CHAF1A: variants seen among roughly 807,000 people sequenced by gnomAD.
The protein encoded by CHAF1A is CAF-1 subunit A.
Under a neutral mutation model 93.2 loss-of-function variants are expected in CHAF1A, and 5 were observed. The observed-to-expected ratio is 0.05, with a 90% confidence interval of 0.03 to 0.11. CHAF1A has a LOEUF of 0.11. Ranked by LOEUF, CHAF1A falls within the 10% of genes least tolerant of loss-of-function variation. The pLI, the probability that CHAF1A is intolerant of heterozygous loss-of-function variation, is 1.00. For synonymous variants in CHAF1A, 504 were observed against 510.3 expected (o/e 0.99, Z 0.17); for missense variants, 1,102 against 1,259.9 (o/e 0.87, Z 1.90).
chr19:4,432,782 ACT>A (rs1974210348), intron 12 of CHAF1A, among the ~76,000 whole-genome samples: 1 of 151,644 alleles, frequency 6.6e-6, no homozygotes, highest in African/African-American at 2.4e-5. Flanking sequence ...AACTCAAAAA[ACT>A]GGGGAGGGAC....
At chr19:4,412,690 T>C (rs1354465992) in intron 3 of CHAF1A, among the ~76,000 whole-genome samples, 1 of 152,220 alleles carries the variant, frequency 6.6e-6, no homozygotes, top group Non-Finnish European at 1.5e-5. Flanking sequence ...ACTGAGCACA[T>C]GAACCCAGTG....
chr19:4,433,183 C>T lies in CHAF1A; in HGVS notation c.2317C>T (p.Pro773Ser). The change falls in exon 13 of 15, where the codon CCG becomes TCG. Residue 773 changes from proline to serine, a missense_variant. By Grantham distance (74) the Pro-to-Ser change is moderately conservative. This residue lies in a region of CHAF1A where 335 missense variants were observed against 361.9 expected (regional missense o/e 0.93). Coordinates refer to ENST00000301280, the MANE Select transcript of CHAF1A (RefSeq NM_005483.3). The surrounding 1 kb of genome is among the most constrained non-coding windows in gnomAD (Gnocchi z 5.6). ...ACTGCTCAGCAACCACACCGGCAGC[C>T]CGCGGAGCCCCTCCACCACCTACCT... ...RGLLSNHTGS[P>S]RSPSTTYLHT... 1 of 1,613,712 alleles carries T rather than the reference C, an allele frequency of 6.2e-7. No homozygotes were observed. Among genetic ancestry groups the T allele is most frequent in the South Asian group, 1.1e-5 (1 of 91,082 alleles).
Position 4,432,180 on chromosome 19 carries a change from T to A in CHAF1A, c.2176T>A (p.Ser726Thr). 6.2e-7 allele frequency: 1 copy of A among 1,610,516 alleles called. No homozygotes were observed. Among genetic ancestry groups the A allele is most frequent in the Admixed American group, 1.7e-5 (1 of 59,938 alleles). Residue 726 changes from serine to threonine, a missense_variant, in exon 12 of 15, where the codon TCC becomes ACC. Ser to Thr is a moderately conservative substitution (Grantham distance 58). Transcript: ENST00000301280. ...PAQEEQTPKA[S>T]KRERRDEQIL... ...CCAGGAGGAGCAGACGCCCAAGGCC[T>A]CCAAGCGGGAGAGGAGAGACGAGCA...
chr19:4,445,440 G>A, downstream of CHAF1A: 1 of 1,604,676 alleles, frequency 6.2e-7, no homozygotes, highest in Non-Finnish European at 8.5e-7. Flanking sequence ...GTGGCGGGGA[G>A]AGGAACAGGG....
chr19:4,450,539 A>C, the CHAF1A span: 2 of 152,076 alleles, frequency 1.3e-5, no homozygotes, highest in Admixed American at 1.3e-4. Flanking sequence ...CGGGCGGATC[A>C]CGAGGTCAGG....
At chr19:4,403,405 G>A (rs1397469927) in intron 1 of CHAF1A, among the ~76,000 whole-genome samples, 1 of 152,234 alleles carries the variant, frequency 6.6e-6, no homozygotes, top group Non-Finnish European at 1.5e-5. Flanking sequence ...CTCCTGAAAC[G>A]TGGGAGGGTG....
chr19:4,430,665 A>C, intron 11 of CHAF1A, 24 bp downstream of exon 11: 1 of 1,612,790 alleles, frequency 6.2e-7, no homozygotes, highest in Non-Finnish European at 8.5e-7. Flanking sequence ...GGGGGAGGTC[A>C]CCGGCTCAGC....
At chr19:4,427,269 C>T (rs1305790103) in intron 7 of CHAF1A, among the ~76,000 whole-genome samples, 4 of 144,260 alleles carry the variant, frequency 2.8e-5, no homozygotes, top group Non-Finnish European at 6.0e-5. Flanking sequence ...CCTGCCTCAG[C>T]CTCCTGAGTA....
rs568256660 is a variant in CHAF1A at position 4,409,850 on chromosome 19, C to G, written c.960+91C>G. On this transcript the variant is annotated intron_variant, in intron 3 of 14. Coordinates refer to ENST00000301280, the MANE Select transcript of CHAF1A (RefSeq NM_005483.3). Reference sequence around the variant, plus strand: ...ACTGGGTCACCCAGGTGTTTTGTGGCAGAGTGAGCGGGGCCACGGGCTGGG... The same window carrying G: ...ACTGGGTCACCCAGGTGTTTTGTGGGAGAGTGAGCGGGGCCACGGGCTGGG... The G allele has an allele frequency of 6.6e-4, 970 of 1,459,858 alleles. 1 individual carries two copies. Among genetic ancestry groups the G allele is most frequent in the Middle Eastern group, 3.0e-3 (15 of 5,040 alleles). 90.4% of individuals were successfully genotyped at this position (1,459,858 alleles called of 1,614,324 possible).
At position 4,432,985 on chromosome 19, in the gene CHAF1A, G is replaced by A. The variant is rs924197174; in HGVS notation, c.2204-85G>A. On this transcript the variant is annotated intron_variant, in intron 12 of 14. Transcript: ENST00000301280. ...CCATGCCCCAAGCCTCGGTGGCAAT[G>A]AGCTTGTGTATGTGTTTTGTTTTTT... 2.7e-5 allele frequency: 30 copies of A among 1,129,124 alleles called. No homozygotes were observed. In the Admixed American group the frequency reaches 5.0e-4, roughly 19 times the overall value. The allele number at this position is 1,129,124 out of a possible 1,614,324, so 69.9% of individuals were successfully genotyped here.
At position 4,417,970 on chromosome 19, in the gene CHAF1A, G is replaced by A. The variant is rs45487594; in HGVS notation, c.961-50G>A. ...ACCTGGAAAGGTTTCTCTTTTTCTC[G>A]AAGCAATTGAAATAACCCGTGTTTA... On this transcript the variant is annotated intron_variant, in intron 3 of 14. Transcript: ENST00000301280. 6,420 of 1,343,414 alleles carry A rather than the reference G, an allele frequency of 4.8e-3. 22 individuals carry two copies. Among genetic ancestry groups the A allele is most frequent in the Non-Finnish European group, 6.0e-3 (5,774 of 957,770 alleles). The allele number at this position is 1,343,414 out of a possible 1,614,324, so 83.2% of individuals were successfully genotyped here. A position where few individuals can be genotyped will look rare whatever the true frequency, so the allele number is the denominator to read the frequency against.
At chr19:4,426,089 G>A (rs1167637845) in intron 7 of CHAF1A, among the ~76,000 whole-genome samples, 1 of 145,652 alleles carries the variant, frequency 6.9e-6, no homozygotes, top group Non-Finnish European at 1.5e-5. Context: ...TGCCTGATCT[G>A]TAAGTTTTTT....
downstream of CHAF1A, chr19:4,445,648 C>G (rs1974494081): frequency 6.2e-7 from 1 of 1,603,518 alleles, no homozygotes; most frequent in Non-Finnish European, 8.5e-7. Flanking sequence ...GGCCGTCACT[C>G]TGAGACCGAG....
chr19:4,445,323 A>G (rs540309030), downstream of CHAF1A: 68 of 1,080,444 alleles, frequency 6.3e-5, 2 homozygotes, highest in South Asian at 1.0e-3. Context: ...CCCCCAAGGG[A>G]TGGGGGCTCT....
At chr19:4,423,132 A>G (rs1974019818) in intron 5 of CHAF1A, among the ~76,000 whole-genome samples, 1 of 152,178 alleles carries the variant, frequency 6.6e-6, no homozygotes, top group Non-Finnish European at 1.5e-5. Context: ...TTTTATATAT[A>G]TTCTAGTCAC....
At chr19:4,445,824 G>A (rs1007774336), downstream of CHAF1A, 17 of 1,036,234 alleles carry the variant, frequency 1.6e-5, no homozygotes, top group East Asian at 2.4e-4. Context: ...ACTAGCTAAC[G>A]CACGTCACCG....
chr19:4,429,867 G>A, intron 10 of CHAF1A, 79 bp downstream of exon 10: 2 of 1,281,432 alleles, frequency 1.6e-6, no homozygotes, highest in Non-Finnish European at 1.1e-6. Flanking sequence ...GGCTAAGGAT[G>A]CAGCCCAGCT....
At position 4,422,999 on chromosome 19, in the gene CHAF1A, C is replaced by T. The variant is rs1364424081; in HGVS notation, c.1247+204C>T. Among the ~76,000 whole-genome samples the T allele has an allele frequency of 1.3e-5, 2 of 152,200 alleles. No individual in the cohort carries two copies. The highest frequency in any genetic ancestry group is 2.9e-5 in the Non-Finnish European group (2 of 68,040). On this transcript the variant is annotated intron_variant, in intron 5 of 14. Transcript: ENST00000301280. This position sits in a 1 kb window ranked among gnomAD's most constrained non-coding sequence, Gnocchi z 4.6. Reference sequence around the variant, plus strand: ...CTGCTCTTTAGTGCTCCCCCACGTCCAACTCACCCTGGACCCCTTGTCTCT... The same window carrying T: ...CTGCTCTTTAGTGCTCCCCCACGTCTAACTCACCCTGGACCCCTTGTCTCT...
rs963694965 is a variant in CHAF1A, at chr19:4,442,175, C to T, written c.2674-70C>T. On this transcript the variant is annotated intron_variant, in intron 13 of 14. Transcript: ENST00000301280. ...AAGGTGTCACACCTGTGGAGTTCCCCCCGCTACCGCACTGGCACCAGGGTG... is the reference window on the plus strand; with the variant it reads ...AAGGTGTCACACCTGTGGAGTTCCCTCCGCTACCGCACTGGCACCAGGGTG... The T allele has an allele frequency of 4.6e-6, 6 of 1,310,504 alleles. No homozygotes were observed. In the Admixed American group the frequency reaches 1.0e-4, roughly 22 times the overall value. The allele number at this position is 1,310,504 out of a possible 1,614,324, so 81.2% of individuals were successfully genotyped here.
Sources: allele counts gnomAD v4.1 joint callset (sites outside exome capture counted in the v4.1 genomes callset), GRCh38; gene constraint gnomAD v4.1.1; regional missense constraint gnomAD v4.1.1; non-coding constraint Gnocchi (gnomAD v3.1); transcripts MANE v1.5; gene names NCBI Gene and HGNC (gene_info 2026-07-23, HGNC 2026-07-21).